Variants in NPAP1 observed in about 807,000 individuals in gnomAD.
NPAP1 encodes the protein nuclear pore associated protein 1.
For missense variants in NPAP1, 1,483 were observed against 1,454.5 expected, an observed-to-expected ratio of 1.02 and a Z score of -0.32; for synonymous variants, 616 against 581.4, an observed-to-expected ratio of 1.06 and a Z score of -0.86.
chr15:24,676,911 A>C lies in NPAP1; in HGVS notation c.1044A>C (p.Arg348=). ...LPPSLPLLWD[R]GELPPPAKLP... ...CTTCACTGCCATTGCTGTGGGATCG[A>C]GGTGAGCTTCCCCCACCTGCTAAGC... Residue 348 remains arginine, a synonymous_variant, in exon 1 of 1, where the codon CGA becomes CGC. Transcript: ENST00000329468. 6.2e-7 allele frequency: 1 copy of C among 1,613,704 alleles called. No individual in the cohort carries two copies. The highest frequency in any genetic ancestry group is 8.5e-7 in the Non-Finnish European group (1 of 1,179,992).
chr15:24,676,002 C>T lies in NPAP1; in HGVS notation c.135C>T (p.Arg45=), dbSNP rs762822123. The T allele has an allele frequency of 6.2e-7, 1 of 1,600,916 alleles. No homozygotes were observed. The highest frequency in any genetic ancestry group is 8.5e-7 in the Non-Finnish European group (1 of 1,174,894). ...GGGCTCACTCTGTACCCACCCCGCG[C>T]CCTTTCCGCGGCCTGTTCCGCCGGA... The part of the protein sequence containing the change: ...PGRAHSVPTP[R]PFRGLFRRNA... The change falls in exon 1 of 1, where the codon CGC becomes CGT. Residue 45 remains arginine (R), a synonymous_variant. Transcript: ENST00000329468.
rs2141309665 is a variant in NPAP1 at position 24,677,132 on chromosome 15, C to G, written c.1265C>G (p.Ala422Gly). Reference protein sequence around the residue: ...PLTTYTSQVSAPLPIPDLADL... With the variant: ...PLTTYTSQVSGPLPIPDLADL... ...ACCACTTACACTTCCCAGGTCTCAG[C>G]TCCTTTGCCCATCCCTGACTTGGCT... Residue 422 changes from alanine to glycine, a missense_variant, in exon 1 of 1, where the codon GCT becomes GGT. Ala to Gly is a moderately conservative substitution (Grantham distance 60, BLOSUM62 0). Transcript: ENST00000329468. 1 of 1,614,122 alleles carries G rather than the reference C, an allele frequency of 6.2e-7. No homozygotes were observed. Among genetic ancestry groups the G allele is most frequent in the Non-Finnish European group, 8.5e-7 (1 of 1,180,020 alleles).
rs2048993645 is a variant in NPAP1 at position 24,678,515 on chromosome 15, C to G, written c.2648C>G (p.Pro883Arg). 6.2e-7 allele frequency: 1 copy of G among 1,614,076 alleles called. No homozygotes were observed. Among genetic ancestry groups the G allele is most frequent in the African/African-American group, 1.3e-5 (1 of 74,936 alleles). ...TTTCCTGCACAGGCAGATAGGAGAC[C>G]AACCACAACTTCCAGCCATCCTTTA... ...TSFPAQADRRPTTTSSHPLNT... is the reference protein window; with the variant it reads ...TSFPAQADRRRTTTSSHPLNT... The change falls in exon 1 of 1, where the codon CCA becomes CGA. Residue 883 changes from proline to arginine, a missense_variant. Physicochemically the swap from Pro to Arg is moderately radical, Grantham distance 103. Coordinates refer to ENST00000329468, the MANE Select transcript of NPAP1 (RefSeq NM_018958.3).
rs2049014756 is a variant in NPAP1 at position 24,681,243 on chromosome 15, A to T, written c.*1905A>T. The T allele has an allele frequency of 6.0e-6, 1 of 167,150 alleles. No individual in the cohort carries two copies. The highest frequency in any genetic ancestry group is 1.5e-5 in the Non-Finnish European group (1 of 68,134). 10.4% of individuals were successfully genotyped at this position (167,150 alleles called of 1,614,324 possible). A position where few individuals can be genotyped will look rare whatever the true frequency, so the allele number is the denominator to read the frequency against. On this transcript the variant is annotated 3_prime_UTR_variant, in exon 1 of 1. Coordinates refer to ENST00000329468, the MANE Select transcript of NPAP1 (RefSeq NM_018958.3). ...AAACTTCAAAAGTCTCAATGAAATCAGTACTTTTACTATGGCCTGTTTATC... is the reference window on the plus strand; with the variant it reads ...AAACTTCAAAAGTCTCAATGAAATCTGTACTTTTACTATGGCCTGTTTATC...
At position 24,678,081 on chromosome 15, in the gene NPAP1, C is replaced by T. The variant is rs1255837414; in HGVS notation, c.2214C>T (p.Asn738=). 1 of 1,613,954 alleles carries T rather than the reference C, an allele frequency of 6.2e-7. No homozygotes were observed. Among genetic ancestry groups the T allele is most frequent in the Admixed American group, 1.7e-5 (1 of 60,002 alleles). The stretch of plus-strand genomic sequence containing the variant: ...CTGGGAACACACAACCCAGCGGCAA[C>T]ACTGCCTCAGTCCAAGGCTCCACCA... ...PGSGNTQPSG[N]TASVQGSTSL... Residue 738 remains asparagine (N), a synonymous_variant, in exon 1 of 1, where the codon AAC becomes AAT. Transcript: ENST00000329468.
the NPAP1 span, chr15:24,676,605 CG>C: frequency 6.2e-7 from 1 of 1,613,972 alleles, no homozygotes; most frequent in Non-Finnish European, 8.5e-7. Context: ...ACAGCCAGGC[CG>C]GATGTGCCCG....
chr15:24,678,605 C>G lies in NPAP1; in HGVS notation c.2738C>G (p.Ser913Cys), dbSNP rs547257889. The G allele has an allele frequency of 4.7e-5, 76 of 1,613,990 alleles. 2 individuals are homozygous for G. The South Asian group carries it at 8.1e-4, about 17-fold the overall frequency. The change falls in exon 1 of 1, where the codon TCT becomes TGT. Residue 913 changes from serine to cysteine, a missense_variant. Ser to Cys is a moderately radical substitution (Grantham distance 112, BLOSUM62 -1). Coordinates refer to ENST00000329468, the MANE Select transcript of NPAP1 (RefSeq NM_018958.3). ...ATDGQQKSDS[S>C]FILGNPATPA... ...GATGGGCAGCAGAAGTCTGACAGTT[C>G]TTTTATTCTGGGGAATCCAGCAACC...
Position 24,681,160 on chromosome 15 carries a change from A to C in NPAP1, c.*1822A>C, listed in dbSNP as rs2141315494. The C allele has an allele frequency of 6.0e-6, 1 of 167,410 alleles. No homozygotes were observed. The highest frequency in any genetic ancestry group is 2.1e-4 in the South Asian group (1 of 4,818). The allele number at this position is 167,410 out of a possible 1,614,324, so 10.4% of individuals were successfully genotyped here. A position where few individuals can be genotyped will look rare whatever the true frequency, so the allele number is the denominator to read the frequency against. The stretch of plus-strand genomic sequence containing the variant: ...AGGGATAGAGAAGAGGACAGAGGAG[A>C]GATGTGAGTGGAATTCCTTCCTCCA... On this transcript the variant is annotated 3_prime_UTR_variant, in exon 1 of 1. Transcript: ENST00000329468.
Position 24,675,813 on chromosome 15 carries a change from A to T in NPAP1, c.-55A>T. The T allele has an allele frequency of 2.4e-6, 3 of 1,250,478 alleles. No homozygotes were observed. Among genetic ancestry groups the T allele is most frequent in the Non-Finnish European group, 3.2e-6 (3 of 931,314 alleles). 77.5% of individuals were successfully genotyped at this position (1,250,478 alleles called of 1,614,324 possible). On this transcript the variant is annotated 5_prime_UTR_variant, in exon 1 of 1. Coordinates refer to ENST00000329468, the MANE Select transcript of NPAP1 (RefSeq NM_018958.3). ...TCGCCAGAGGAGGCGGTGGCTGAGG[A>T]GAGTTGAGTCCACTGCTGACCCTGT...
chr15:24,677,841 A>G lies in NPAP1; in HGVS notation c.1974A>G (p.Lys658=), dbSNP rs2048987603. 6.2e-7 allele frequency: 1 copy of G among 1,613,744 alleles called. No homozygotes were observed. The highest frequency in any genetic ancestry group is 8.5e-7 in the Non-Finnish European group (1 of 1,179,988). ...AGGCTCCTGATGGGCAGCCGCAGAA[A>G]GCTTCTCTCCCCAGTGCCTGTGTTT... is the stretch of plus-strand genomic sequence containing the variant. The part of the protein sequence containing the change: ...KFEAPDGQPQ[K]ASLPSACVFL... Residue 658 remains lysine, a synonymous_variant, in exon 1 of 1, where the codon AAA becomes AAG. Coordinates refer to ENST00000329468, the MANE Select transcript of NPAP1 (RefSeq NM_018958.3).
In NPAP1 at chr15:24,678,295, G is replaced by A. The variant is rs2141312313; in HGVS notation, c.2428G>A (p.Ala810Thr). 1 of 1,614,094 alleles carries A rather than the reference G, an allele frequency of 6.2e-7. No individual in the cohort carries two copies. The highest frequency in any genetic ancestry group is 2.2e-5 in the East Asian group (1 of 44,862). ...PPDTSTLVSS[A>T]SAASLSKPAI... ...AGACACCTCCACTTTAGTGAGCAGT[G>A]CCTCTGCAGCATCGTTATCCAAGCC... The change falls in exon 1 of 1, where the codon GCC becomes ACC. Residue 810 changes from alanine to threonine, a missense_variant. Ala to Thr is a moderately conservative substitution (Grantham distance 58). Coordinates refer to ENST00000329468, the MANE Select transcript of NPAP1 (RefSeq NM_018958.3).
At position 24,678,371 on chromosome 15, in the gene NPAP1, T is replaced by A. The variant is rs2141312489; in HGVS notation, c.2504T>A (p.Ile835Asn). 6.2e-7 allele frequency: 1 copy of A among 1,613,946 alleles called. No homozygotes were observed. Among genetic ancestry groups the A allele is most frequent in the Non-Finnish European group, 8.5e-7 (1 of 1,180,006 alleles). Reference protein sequence around the residue: ...MNTTPPSKTVILQSTFVSRKE... With the variant: ...MNTTPPSKTVNLQSTFVSRKE... ...ACCACCCCTCCTTCCAAAACTGTCA[T>A]CTTGCAGTCTACCTTTGTCTCCAGG... Residue 835 changes from isoleucine to asparagine, a missense_variant, in exon 1 of 1, where the codon ATC becomes AAC. Coordinates refer to ENST00000329468, the MANE Select transcript of NPAP1 (RefSeq NM_018958.3).
rs2141308387 is a variant in NPAP1, at chr15:24,676,613, C to T, written c.746C>T (p.Ala249Val). ...AGCACACACAGCCAGGCCGGATGTG[C>T]CCGGCATCTTGGAAAGCCTGATCCG... Reference protein sequence around the residue: ...MPSTHSQAGCARHLGKPDPDA... With the variant: ...MPSTHSQAGCVRHLGKPDPDA... The change falls in exon 1 of 1, where the codon GCC (alanine) becomes GTC (valine). Residue 249 changes from alanine (A) to valine (V), a missense_variant. Coordinates refer to ENST00000329468, the MANE Select transcript of NPAP1 (RefSeq NM_018958.3). The T allele has an allele frequency of 6.2e-7, 1 of 1,613,878 alleles. No homozygotes were observed. The highest frequency in any genetic ancestry group is 8.5e-7 in the Non-Finnish European group (1 of 1,179,922).
chr15:24,678,357 T>G lies in NPAP1; in HGVS notation c.2490T>G (p.Pro830=). The G allele has an allele frequency of 6.2e-7, 1 of 1,613,956 alleles. No individual in the cohort carries two copies. ...IDTSDMNTTP[P]SKTVILQSTF... ...CCAGTGACATGAATACCACCCCTCC[T>G]TCCAAAACTGTCATCTTGCAGTCTA... The change falls in exon 1 of 1, where the codon CCT becomes CCG. Residue 830 remains proline, a synonymous_variant. Transcript: ENST00000329468.
chr15:24,679,464 A>G lies in NPAP1; in HGVS notation c.*126A>G. The G allele has an allele frequency of 1.4e-6, 1 of 726,644 alleles. No homozygotes were observed. The highest frequency in any genetic ancestry group is 2.3e-6 in the Non-Finnish European group (1 of 429,524). The allele number at this position is 726,644 out of a possible 1,614,324, so 45.0% of individuals were successfully genotyped here. ...AGCACCTGCCATGTACCTCTCCAGA[A>G]CTCAGGTTGTGCACCAGGAGGGGAC... On this transcript the variant is annotated 3_prime_UTR_variant, in exon 1 of 1. Transcript: ENST00000329468.
At position 24,678,024 on chromosome 15, in the gene NPAP1, G is replaced by A. The variant is rs2141311650; in HGVS notation, c.2157G>A (p.Lys719=). ...TGCAGTCTGCCTCTGTCTCCAAGAA[G>A]TACCTCCCATTTTACCTGGGGCTTC... ...VILQSASVSK[K]YLPFYLGLPG... is the part of the protein sequence containing the mutation. The change falls in exon 1 of 1, where the codon AAG becomes AAA. Residue 719 remains lysine (K), a synonymous_variant. Transcript: ENST00000329468. 9.3e-6 allele frequency: 15 copies of A among 1,614,020 alleles called. No individual in the cohort carries two copies. The highest frequency in any genetic ancestry group is 1.3e-5 in the Non-Finnish European group (15 of 1,180,026).
Position 24,676,904 on chromosome 15 carries a change from G to T in NPAP1, c.1037G>T (p.Trp346Leu). 6.2e-7 allele frequency: 1 copy of T among 1,613,702 alleles called. No homozygotes were observed. Among genetic ancestry groups the T allele is most frequent in the South Asian group, 1.1e-5 (1 of 91,078 alleles). The change falls in exon 1 of 1, where the codon TGG (tryptophan) becomes TTG (leucine). Residue 346 changes from tryptophan to leucine, a missense_variant. Trp to Leu is a moderately conservative substitution (Grantham distance 61). Coordinates refer to ENST00000329468, the MANE Select transcript of NPAP1 (RefSeq NM_018958.3). ...LPLPPSLPLL[W>L]DRGELPPPAK... The stretch of plus-strand genomic sequence containing the variant: ...CTGCCCCCTTCACTGCCATTGCTGT[G>T]GGATCGAGGTGAGCTTCCCCCACCT...
rs987038017 is a variant in NPAP1, at chr15:24,680,523, C to G, written c.*1185C>G. ...TGTTCCAGGAGGAATGGGCTCAGTT[C>G]CCTCAAGGTTAAACTTAACCTGCTC... On this transcript the variant is annotated 3_prime_UTR_variant, in exon 1 of 1. Coordinates refer to ENST00000329468, the MANE Select transcript of NPAP1 (RefSeq NM_018958.3). 6.0e-6 allele frequency: 1 copy of G among 167,128 alleles called. No individual in the cohort carries two copies. The highest frequency in any genetic ancestry group is 1.9e-4 in the East Asian group (1 of 5,202). The allele number at this position is 167,128 out of a possible 1,614,324, so 10.4% of individuals were successfully genotyped here.
chr15:24,677,512 A>G lies in NPAP1; in HGVS notation c.1645A>G (p.Asn549Asp), dbSNP rs1299682637. 1.2e-5 allele frequency: 19 copies of G among 1,614,066 alleles called. No homozygotes were observed. Among genetic ancestry groups the G allele is most frequent in the Non-Finnish European group, 1.6e-5 (19 of 1,180,022 alleles). Residue 549 changes from asparagine to aspartate, a missense_variant, in exon 1 of 1, where the codon AAT becomes GAT. Physicochemically the swap from Asn to Asp is conservative, Grantham distance 23. Transcript: ENST00000329468. ...CTCAGTTATCACCAGCAAGCCTATG[A>G]ATTCCACGTCAGTCATTTCCACTGT... ...GTSVITSKPMNSTSVISTVTT... is the reference protein window; with the variant it reads ...GTSVITSKPMDSTSVISTVTT...
Sources: gnomAD v4.1 joint callset for allele counts on GRCh38, gnomAD v4.1.1 for gene constraint, MANE v1.5 for transcripts, NCBI Gene and HGNC (gene_info 2026-07-23, HGNC 2026-07-21) for gene names.